Variants in VPS16 observed in about 807,000 individuals in gnomAD.
The protein encoded by VPS16 is vacuolar protein sorting-associated protein 16 homolog.
Under a neutral mutation model 116.0 loss-of-function variants are expected in VPS16, and 82 were observed. The observed-to-expected ratio is 0.71, with a 90% CI of 0.59 to 0.85. The LOEUF (loss-of-function observed/expected upper bound fraction) is 0.85. Ranked by LOEUF, VPS16 falls within the 40% of genes least tolerant of loss-of-function variation. VPS16 has a pLI of 0.00. For missense variants in VPS16, 928 were observed against 1,090.6 expected (o/e 0.85, Z 2.10); for synonymous variants, 406 against 420.7 (o/e 0.96, Z 0.43).
chr20:2,863,693 C>T lies in VPS16; in HGVS notation c.1477-256C>T, dbSNP rs2089272549. 6.6e-6 allele frequency among the ~76,000 whole-genome samples: 1 copy of T among 152,002 alleles called. No individual in the cohort carries two copies. Among genetic ancestry groups the T allele is most frequent in the African/African-American group, 2.4e-5 (1 of 41,362 alleles). Reference sequence around the variant, plus strand: ...AGGAGAATTGCTTTCACCTGGGAGGCAGAGGTTGCAGTGAGCTGAGATTGC... The same window carrying T: ...AGGAGAATTGCTTTCACCTGGGAGGTAGAGGTTGCAGTGAGCTGAGATTGC... On this transcript the variant is annotated intron_variant, in intron 15 of 23. Coordinates refer to ENST00000380445, the MANE Select transcript of VPS16 (RefSeq NM_022575.4). The surrounding 1 kb of genome is among the most constrained non-coding windows in gnomAD (Gnocchi z 4.4).
In VPS16 at chr20:2,862,847, C is replaced by A; in HGVS notation, c.1244C>A (p.Pro415His). 1 of 1,614,116 alleles carries A rather than the reference C, an allele frequency of 6.2e-7. No homozygotes were observed. The highest frequency in any genetic ancestry group is 1.7e-5 in the Admixed American group (1 of 60,030). Residue 415 changes from proline (P) to histidine (H), a missense_variant, in exon 13 of 24, where the codon CCC becomes CAC. Transcript: ENST00000380445. ...AAGTGTTTCCTGGACAGATTTCCAC[C>A]CGACAGCTTCGTGCACATGTGTCAG... is the stretch of plus-strand genomic sequence containing the variant. ...FGKCFLDRFP[P>H]DSFVHMCQDL...
At chr20:2,848,247 AATTTTAATTTTTT>A (rs1231756863) in intron 1 of VPS16, among the ~76,000 whole-genome samples, 4 of 150,452 alleles carry the variant, frequency 2.7e-5, no homozygotes, top group Non-Finnish European at 5.9e-5. Context: ...TTTTATTTTT[AATTTTAATTTTTT>A]AGAGACAAAG....
chr20:2,850,290 C>T lies in VPS16; in HGVS notation c.54-9429C>T, dbSNP rs568069414. On this transcript the variant is annotated intron_variant, in intron 1 of 23. Transcript: ENST00000380445. ...AGTGAGCCCAGATCGTGCCACTGCA[C>T]TCCAGCCTGGGCAACAAGAGCGAAA... is the stretch of plus-strand genomic sequence containing the variant. Among the ~76,000 whole-genome samples the T allele has an allele frequency of 2.4e-4, 36 of 152,256 alleles. No individual in the cohort carries two copies. In the South Asian group the frequency reaches 6.0e-3, roughly 25 times the overall value.
In VPS16 at chr20:2,863,445, C is replaced by T. The variant is rs1408186777; in HGVS notation, c.1476+47C>T. On this transcript the variant is annotated intron_variant, in intron 15 of 23. Transcript: ENST00000380445. The surrounding 1 kb of genome is among the most constrained non-coding windows in gnomAD (Gnocchi z 4.4). Reference sequence around the variant, plus strand: ...CAAGGGCATTTAGAGGATTCCAGGCCCTGGTGAGGTGGAGGAAATAGAAAG... The same window carrying T: ...CAAGGGCATTTAGAGGATTCCAGGCTCTGGTGAGGTGGAGGAAATAGAAAG... 6.3e-7 allele frequency: 1 copy of T among 1,581,630 alleles called. No homozygotes were observed. Among genetic ancestry groups the T allele is most frequent in the African/African-American group, 1.3e-5 (1 of 74,192 alleles).
chr20:2,858,953 A>G (rs1038743919), intron 1 of VPS16, among the ~76,000 whole-genome samples: 7 of 152,282 alleles, frequency 4.6e-5, no homozygotes, highest in Admixed American at 3.3e-4. Flanking sequence ...TTCATCATCA[A>G]TAAGCATAGA....
intron 1 of VPS16, among the ~76,000 whole-genome samples, chr20:2,845,808 T>A (rs1426226445): frequency 6.6e-6 from 1 of 152,160 alleles, no homozygotes; most frequent in Admixed American, 6.6e-5. Context: ...ACCATTCTGT[T>A]TTCTGTCTCA....
intron 1 of VPS16, among the ~76,000 whole-genome samples, chr20:2,842,761 T>G (rs959611095): frequency 1.8e-3 from 23 of 12,760 alleles, no homozygotes; most frequent in Admixed American, 0.011. Flanking sequence ...TGTATCTATC[T>G]ATAGATAGAC....
intron 1 of VPS16, among the ~76,000 whole-genome samples, chr20:2,851,330 C>T (rs150407681): frequency 0.013 from 2,036 of 151,986 alleles, 57 homozygotes; most frequent in Admixed American, 0.065. Flanking sequence ...CAAGGTAGGC[C>T]GGGCATGGTG....
Position 2,860,261 on chromosome 20 carries a change from C to G in VPS16, c.263C>G (p.Ser88Cys). 1 of 1,614,010 alleles carries G rather than the reference C, an allele frequency of 6.2e-7. No individual in the cohort carries two copies. Residue 88 changes from serine (S) to cysteine (C), a missense_variant, in exon 4 of 24, where the codon TCC becomes TGC. Coordinates refer to ENST00000380445, the MANE Select transcript of VPS16 (RefSeq NM_022575.4). The surrounding 1 kb of genome is among the most constrained non-coding windows in gnomAD (Gnocchi z 6.1). ...SLLWKSGPVV[S>C]LGWSAEEELL... ...CAGTGGAAGAGTGGACCCGTGGTGT[C>G]CCTGGGCTGGTCAGCTGAGGAGGAG...
At chr20:2,861,542 A>G in intron 8 of VPS16, 73 bp from the exon 9 acceptor site, 1 of 1,511,152 alleles carries the variant, frequency 6.6e-7, no homozygotes, top group Non-Finnish European at 8.9e-7. Flanking sequence ...CCCGAGACAA[A>G]GGATTATGAG....
chr20:2,847,485 T>C (rs2089072466), intron 1 of VPS16, among the ~76,000 whole-genome samples: 2 of 150,738 alleles, frequency 1.3e-5, no homozygotes, highest in African/African-American at 4.9e-5. Flanking sequence ...CCCTCTATTT[T>C]TTTTTTTTTT....
rs202154577 is a variant in VPS16 at position 2,864,356 on chromosome 20, C to G, written c.1721-9C>G. ...GCTGGAATTCCCACTCCACCTTACT[C>G]TCCTGCAGTGTTCACGGTGTTGCTG... is the stretch of plus-strand genomic sequence containing the variant. On this transcript the variant is annotated splice_polypyrimidine_tract_variant and intron_variant, in intron 17 of 23. Transcript: ENST00000380445. This position sits in a 1 kb window ranked among gnomAD's most constrained non-coding sequence, Gnocchi z 5.2. 1.9e-5 allele frequency: 30 copies of G among 1,614,038 alleles called. No individual in the cohort carries two copies. The highest frequency in any genetic ancestry group is 2.7e-5 in the African/African-American group (2 of 74,918).
At position 2,860,118 on chromosome 20, in the gene VPS16, C is replaced by T. The variant is rs922569198; in HGVS notation, c.207C>T (p.Tyr69=). The T allele has an allele frequency of 1.2e-6, 2 of 1,614,082 alleles. No individual in the cohort carries two copies. The highest frequency in any genetic ancestry group is 1.7e-6 in the Non-Finnish European group (2 of 1,180,028). ...GTGTGAGGCCAGTGCTCGATATATA[C>T]TCTGCTTCCGGCATGCCTCTGGCCA... ...AASVRPVLDI[Y]SASGMPLASL... is the part of the protein sequence containing the mutation. The change falls in exon 3 of 24, where the codon TAC becomes TAT. Residue 69 remains tyrosine (Y), a synonymous_variant. Transcript: ENST00000380445. This position sits in a 1 kb window ranked among gnomAD's most constrained non-coding sequence, Gnocchi z 6.1.
intron 1 of VPS16, among the ~76,000 whole-genome samples, chr20:2,847,492 T>C (rs2089072517): frequency 6.6e-6 from 1 of 151,414 alleles, no homozygotes; most frequent in Non-Finnish European, 1.5e-5. Flanking sequence ...TTTTTTTTTT[T>C]TTTTTAAGAC....
intron 12 of VPS16, 48 bp from the exon 13 acceptor site, chr20:2,862,759 G>GGGGGGC: frequency 1.3e-6 from 1 of 777,174 alleles, no homozygotes; most frequent in Non-Finnish European, 2.1e-6. Flanking sequence ...GAGGGGGTGG[G>GGGGGGC]ATGGGCAGCA....
intron 1 of VPS16, among the ~76,000 whole-genome samples, chr20:2,850,814 AC>A (rs1568623722): frequency 6.6e-6 from 1 of 150,822 alleles, no homozygotes; most frequent in Admixed American, 6.6e-5. Context: ...CAAAAAAAAA[AC>A]AAAAAAAACA....
chr20:2,861,814 G>C lies in VPS16; in HGVS notation c.909G>C (p.Leu303=). Residue 303 remains leucine (L), a synonymous_variant, in exon 10 of 24, where the codon CTG becomes CTC. Coordinates refer to ENST00000380445, the MANE Select transcript of VPS16 (RefSeq NM_022575.4). The part of the protein sequence containing the change: ...GDAPESIQFV[L]DEDSYLVPEL... ...CCTTAACCAAGCTCAGGTTTGTGCT[G>C]GATGAGGACTCCTACCTGGTGCCTG... 1 of 1,613,974 alleles carries C rather than the reference G, an allele frequency of 6.2e-7. No homozygotes were observed. Among genetic ancestry groups the C allele is most frequent in the Non-Finnish European group, 8.5e-7 (1 of 1,179,970 alleles).
Position 2,864,897 on chromosome 20 carries a change from G to T in VPS16, c.1927-81G>T, listed in dbSNP as rs1375618966. 4.4e-6 allele frequency: 7 copies of T among 1,582,696 alleles called. No individual in the cohort carries two copies. The highest frequency in any genetic ancestry group is 5.2e-6 in the Non-Finnish European group (6 of 1,154,070). On this transcript the variant is annotated intron_variant, in intron 19 of 23. Coordinates refer to ENST00000380445, the MANE Select transcript of VPS16 (RefSeq NM_022575.4). The surrounding 1 kb of genome is among the most constrained non-coding windows in gnomAD (Gnocchi z 5.2). ...CCCTGGCGACCCTGGGCACAGGGATGGGGGAGAAGACTGTAGCCTGGGTGA... is the reference window on the plus strand; with the variant it reads ...CCCTGGCGACCCTGGGCACAGGGATTGGGGAGAAGACTGTAGCCTGGGTGA...
At chr20:2,846,938 C>T (rs1299991226) in intron 1 of VPS16, among the ~76,000 whole-genome samples, 2 of 152,212 alleles carry the variant, frequency 1.3e-5, no homozygotes, top group Non-Finnish European at 2.9e-5. Flanking sequence ...GAGATTTCCA[C>T]TTCTGGGACG....
Sources: gnomAD v4.1 joint callset for allele counts (sites outside exome capture counted in the v4.1 genomes callset) on GRCh38, gnomAD v4.1.1 for gene constraint, Gnocchi (gnomAD v3.1) non-coding constraint, MANE v1.5 for transcripts, NCBI Gene and HGNC (gene_info 2026-07-23, HGNC 2026-07-21) for gene names.